The following TTC6 variants were observed in gnomAD, a reference collection of about 807,000 sequenced individuals.
TTC6 encodes the protein tetratricopeptide repeat protein 6.
A neutral mutation model predicts 210.4 loss-of-function variants in TTC6; 172 were observed. The ratio of observed to expected loss-of-function variants is 0.82; its 90% CI spans 0.72 to 0.93. The LOEUF is 0.93. Among genes scored for constraint, TTC6 ranks in the 40% least tolerant of loss-of-function variants. TTC6 has a pLI of 0.00. For synonymous variants in TTC6, 804 were observed against 819.6 expected (o/e 0.98, Z 0.32); for missense variants, 2,414 against 2,318.1 (o/e 1.04, Z -0.85).
intron 3 of TTC6, among the ~76,000 whole-genome samples, chr14:37,684,808 C>T (rs189230814): frequency 9.8e-4 from 149 of 152,192 alleles, no homozygotes; most frequent in African/African-American, 3.4e-3. Flanking sequence ...AGCAGAATGA[C>T]GAACAATATA....
chr14:37,691,188 G>A (rs1034481422), intron 3 of TTC6, among the ~76,000 whole-genome samples: 1 of 152,062 alleles, frequency 6.6e-6, no homozygotes, highest in African/African-American at 2.4e-5. Flanking sequence ...AAATTAGCCA[G>A]GTGTGCTGAT....
exon 31 of TTC6, chr14:37,842,306 G>A (rs1251889647): frequency 8.2e-6 from 13 of 1,583,920 alleles, no homozygotes; most frequent in Admixed American, 1.9e-5. Flanking sequence ...ATAGACTGTG[G>A]TTGCTATAGT....
intron 3 of TTC6, among the ~76,000 whole-genome samples, chr14:37,687,858 G>A (rs757139085): frequency 5.3e-5 from 8 of 152,086 alleles, no homozygotes; most frequent in Non-Finnish European, 1.2e-4. Context: ...GGCGAGACTC[G>A]GCACATTCCC....
intron 1 of TTC6, among the ~76,000 whole-genome samples, chr14:37,624,709 C>T (rs1227621973): frequency 1.3e-5 from 2 of 152,000 alleles, no homozygotes; most frequent in East Asian, 1.9e-4. Flanking sequence ...GCCACCTTCA[C>T]CTCCTGGGTT....
chr14:37,608,010 T>C (rs1453135489), intron 2 of TTC6, among the ~76,000 whole-genome samples: 1 of 152,150 alleles, frequency 6.6e-6, no homozygotes, highest in African/African-American at 2.4e-5. Context: ...ATTTATGAGA[T>C]TAGTTGAGTT....
chr14:37,654,825 A>T (rs1383995869), intron 1 of TTC6, among the ~76,000 whole-genome samples: 1 of 152,216 alleles, frequency 6.6e-6, no homozygotes, highest in African/African-American at 2.4e-5. Context: ...ATTTTACATA[A>T]TAGCACGCCC....
chr14:37,622,472 C>T (rs1311222721), exon 1 of TTC6: 1 of 1,535,244 alleles, frequency 6.5e-7, no homozygotes, highest in Non-Finnish European at 8.7e-7. Context: ...TGAAAAAGCC[C>T]CCAGTCATCG....
chr14:37,820,932 C>CCTCCTCCTTCTTCTCCTCCTCCTT (rs2096154552), intron 26 of TTC6, among the ~76,000 whole-genome samples: 1 of 145,952 alleles, frequency 6.9e-6, no homozygotes, highest in Non-Finnish European at 1.5e-5. Flanking sequence ...TCCTTCTTCT[C>CCTCCTCCTTCTTCTCCTCCTCCTT]CTCCTCCTTC....
intron 7 of TTC6, among the ~76,000 whole-genome samples, chr14:37,725,348 A>ATGTATATATATATATATATG (rs1555391429): frequency 8.8e-6 from 1 of 113,296 alleles, no homozygotes; most frequent in Non-Finnish European, 1.8e-5. Context: ...ATATATATAT[A>ATGTATATATATATATATATG]TATATATATA....
intron 1 of TTC6, among the ~76,000 whole-genome samples, chr14:37,651,941 G>C (rs1261064274): frequency 1.3e-5 from 2 of 152,166 alleles, no homozygotes; most frequent in Admixed American, 1.3e-4. Flanking sequence ...GATGGCACTG[G>C]GCTGCCATTA....
At chr14:37,763,159 A>G (rs1049655745) in intron 14 of TTC6, among the ~76,000 whole-genome samples, 1 of 151,966 alleles carries the variant, frequency 6.6e-6, no homozygotes, top group East Asian at 1.9e-4. Flanking sequence ...AAGTGCTGGG[A>G]TTACAGACGT....
chr14:37,787,646 C>A lies in TTC6; in HGVS notation c.3436+9C>A. On this transcript the variant is annotated intron_variant, in intron 15 of 30. Coordinates refer to ENST00000553443, the Ensembl canonical transcript of TTC6. ...GGATTATAGTGTTTCAGGTACTTTG[C>A]CTTCAATTACATGTATATAGCAACC... is the stretch of plus-strand genomic sequence containing the variant. 6.9e-7 allele frequency: 1 copy of A among 1,439,604 alleles called. No homozygotes were observed. 89.2% of individuals were successfully genotyped at this position (1,439,604 alleles called of 1,614,324 possible).
chr14:37,609,972 G>C (rs2095631611), intron 2 of TTC6, among the ~76,000 whole-genome samples: 1 of 152,184 alleles, frequency 6.6e-6, no homozygotes, highest in East Asian at 1.9e-4. Context: ...TCTGCAGAAT[G>C]CTTCTCATCT....
intron 14 of TTC6, among the ~76,000 whole-genome samples, chr14:37,767,714 G>A (rs2096003726): frequency 6.6e-6 from 1 of 151,924 alleles, no homozygotes; most frequent in African/African-American, 2.4e-5. Flanking sequence ...TTTGTCAGAT[G>A]AGTAGGCTGC....
chr14:37,733,324 C>A (rs960002987), intron 7 of TTC6, among the ~76,000 whole-genome samples: 1 of 150,776 alleles, frequency 6.6e-6, no homozygotes, highest in African/African-American at 2.4e-5. Flanking sequence ...CTTTTTTTTC[C>A]TCGCATGTCA....
upstream of TTC6, among the ~76,000 whole-genome samples, chr14:37,621,375 T>G (rs1699396889): frequency 6.6e-6 from 1 of 152,184 alleles, no homozygotes; most frequent in Non-Finnish European, 1.5e-5. Flanking sequence ...TTTGGAAGGC[T>G]GAGGTGGGAG....
At chr14:37,757,008 T>C (rs2095969960) in intron 14 of TTC6, among the ~76,000 whole-genome samples, 1 of 152,146 alleles carries the variant, frequency 6.6e-6, no homozygotes, top group African/African-American at 2.4e-5. Flanking sequence ...AGGCTATTAA[T>C]TACTGCCTGA....
intron 1 of TTC6, among the ~76,000 whole-genome samples, chr14:37,650,507 A>C (rs750420874): frequency 7.9e-5 from 12 of 152,296 alleles, no homozygotes; most frequent in Admixed American, 1.3e-4. Context: ...CATTGTTTGT[A>C]AAGTGAAAGT....
chr14:37,747,811 A>AAATATGAAT (rs1299394093), intron 10 of TTC6, among the ~76,000 whole-genome samples: 1 of 152,226 alleles, frequency 6.6e-6, no homozygotes, highest in Non-Finnish European at 1.5e-5. Flanking sequence ...ATTTGGTCAG[A>AAATATGAAT]AATATGAATT....
Sources: allele counts gnomAD v4.1 joint callset (sites outside exome capture counted in the v4.1 genomes callset), GRCh38; gene constraint gnomAD v4.1.1; transcripts MANE v1.5; gene names NCBI Gene and HGNC (gene_info 2026-07-23, HGNC 2026-07-21).